The following ERBIN variants were observed in gnomAD, a reference collection of about 807,000 sequenced individuals.
ERBIN encodes erbb2 interacting protein.
ERBIN carries 60 observed loss-of-function variants against 158.4 expected under a neutral mutation model. The observed-to-expected ratio is 0.38, with a 90% confidence interval of 0.31 to 0.47. The LOEUF is 0.47. ERBIN is among the 20% of genes least tolerant of loss of function. The pLI is 0.99. For synonymous variants in ERBIN, 594 were observed against 557.2 expected (o/e 1.07, Z -0.93); for missense variants, 1,610 against 1,648.0 (o/e 0.98, Z 0.40).
intron 14 of ERBIN, among the ~76,000 whole-genome samples, chr5:66,029,127 T>A (rs1326467137): frequency 6.6e-6 from 1 of 152,174 alleles, no homozygotes; most frequent in Non-Finnish European, 1.5e-5. Context: ...AGTGCAGACA[T>A]CTCTTCAACA....
chr5:66,060,433 CTTCT>C (rs1382796145), intron 21 of ERBIN, among the ~76,000 whole-genome samples: 11 of 152,102 alleles, frequency 7.2e-5, no homozygotes, highest in African/African-American at 2.4e-4. Context: ...TCTCTCTTTT[CTTCT>C]TTATTAGTCT....
intron 1 of ERBIN, among the ~76,000 whole-genome samples, chr5:65,947,289 G>C (rs1287930602): frequency 6.6e-6 from 1 of 152,038 alleles, no homozygotes; most frequent in Admixed American, 6.6e-5. Context: ...GAGTGCAGTG[G>C]TGCCATCTTG....
rs767837550 is a variant in ERBIN, at chr5:66,014,661, T to G, written c.477-8T>G. 1 of 1,293,562 alleles carries G rather than the reference T, an allele frequency of 7.7e-7. No homozygotes were observed. The highest frequency in any genetic ancestry group is 1.1e-6 in the Non-Finnish European group (1 of 934,324). 80.1% of individuals were successfully genotyped at this position (1,293,562 alleles called of 1,614,324 possible). On this transcript the variant is annotated splice_polypyrimidine_tract_variant and splice_region_variant and intron_variant, in intron 6 of 25. Coordinates refer to ENST00000284037, the MANE Select transcript of ERBIN (RefSeq NM_001253697.2). ...TCCTAAATACATGATTTTTTTTTTG[T>G]ATTGCAGATTAACTAAACTCCAAAT... is the stretch of plus-strand genomic sequence containing the variant.
At chr5:65,972,946 T>G (rs1051699531) in intron 1 of ERBIN, among the ~76,000 whole-genome samples, 1 of 151,384 alleles carries the variant, frequency 6.6e-6, no homozygotes, top group Admixed American at 6.6e-5. Context: ...ATTCCTACGT[T>G]TTTTTCGGTT....
At chr5:66,076,789 G>C in intron 24 of ERBIN, 86 bp from the exon 25 acceptor site, 1 of 897,934 alleles carries the variant, frequency 1.1e-6, no homozygotes, top group Non-Finnish European at 1.8e-6. Flanking sequence ...TCAAATATTT[G>C]CATGGTGTGG....
chr5:65,967,320 A>G (rs1015897419), intron 1 of ERBIN, among the ~76,000 whole-genome samples: 1 of 152,214 alleles, frequency 6.6e-6, no homozygotes, highest in Admixed American at 6.5e-5. Flanking sequence ...AGACCTTCAC[A>G]TTCACTCACT....
chr5:65,995,763 G>A (rs894925048), intron 4 of ERBIN, among the ~76,000 whole-genome samples: 2 of 151,968 alleles, frequency 1.3e-5, no homozygotes, highest in Non-Finnish European at 2.9e-5. Flanking sequence ...CCCTTTTCTC[G>A]ACACCCTCAT....
intron 19 of ERBIN, among the ~76,000 whole-genome samples, chr5:66,050,116 C>G (rs1196634110): frequency 6.6e-6 from 1 of 151,310 alleles, no homozygotes; most frequent in African/African-American, 2.4e-5. Flanking sequence ...AATGAATTTT[C>G]ATTATCAGTT....
chr5:65,975,981 A>C (rs1749810120), intron 1 of ERBIN, among the ~76,000 whole-genome samples: 1 of 152,118 alleles, frequency 6.6e-6, no homozygotes, highest in South Asian at 2.1e-4. Context: ...TTCTGTTTCC[A>C]TTTAGGGCTC....
chr5:65,970,499 A>C (rs1240967355), intron 1 of ERBIN, among the ~76,000 whole-genome samples: 1 of 152,178 alleles, frequency 6.6e-6, no homozygotes, highest in Admixed American at 6.5e-5. Context: ...GAGAGATTCT[A>C]CACTTTGGTT....
intron 1 of ERBIN, among the ~76,000 whole-genome samples, chr5:65,947,904 G>C (rs1195073734): frequency 2.6e-5 from 4 of 151,928 alleles, no homozygotes; most frequent in Admixed American, 2.6e-4. Flanking sequence ...CTACTCAGGA[G>C]GCTGAGGCAG....
intron 6 of ERBIN, 39 bp downstream of exon 6, chr5:66,013,677 T>G: frequency 7.5e-7 from 1 of 1,335,820 alleles, no homozygotes; most frequent in Middle Eastern, 1.8e-4. Context: ...TATTATTAGC[T>G]CTTATAAAGT....
intron 1 of ERBIN, among the ~76,000 whole-genome samples, chr5:65,982,999 C>T (rs1345820854): frequency 6.6e-6 from 1 of 152,116 alleles, no homozygotes; most frequent in Non-Finnish European, 1.5e-5. Flanking sequence ...TATTTCTCTA[C>T]CATCTATACT....
intron 1 of ERBIN, among the ~76,000 whole-genome samples, chr5:65,977,441 G>A (rs1365961507): frequency 8.6e-5 from 13 of 151,902 alleles, no homozygotes; most frequent in African/African-American, 3.1e-4. Flanking sequence ...CTTCTCGGAC[G>A]GGGTGGTTGC....
intron 1 of ERBIN, among the ~76,000 whole-genome samples, chr5:65,932,289 A>C (rs1446475497): frequency 1.3e-5 from 2 of 149,798 alleles, no homozygotes; most frequent in Non-Finnish European, 3.0e-5. Flanking sequence ...CAGTGAGCCG[A>C]GATCGCGCCA....
At chr5:66,005,652 A>G (rs1485315480) in intron 4 of ERBIN, among the ~76,000 whole-genome samples, 1 of 152,206 alleles carries the variant, frequency 6.6e-6, no homozygotes, top group Non-Finnish European at 1.5e-5. Context: ...GGAAGACCCC[A>G]TCGTCTCAGC....
At chr5:65,934,974 T>C (rs1432800018) in intron 1 of ERBIN, among the ~76,000 whole-genome samples, 1 of 152,164 alleles carries the variant, frequency 6.6e-6, no homozygotes, top group Non-Finnish European at 1.5e-5. Flanking sequence ...TTCTAACATA[T>C]CTTCTACTTT....
rs1378236161 is a variant in ERBIN at position 66,038,478 on chromosome 5, G to A, written c.1302G>A (p.Glu434=). Residue 434 remains glutamate (E), a synonymous_variant, in exon 15 of 26, where the codon GAG becomes GAA. Transcript: ENST00000284037. ...TGTTCCCTCAACAGCCAAGGACTGA[G>A]GATGGTAGGAATTTCATAATCGATT... ...NYMFPQQPRT[E]DVMFISDNES... The A allele has an allele frequency of 6.3e-7, 1 of 1,596,624 alleles. No homozygotes were observed. The highest frequency in any genetic ancestry group is 1.1e-5 in the South Asian group (1 of 88,690).
At chr5:65,940,159 C>A (rs1397926171) in intron 1 of ERBIN, among the ~76,000 whole-genome samples, 22 of 146,196 alleles carry the variant, frequency 1.5e-4, no homozygotes, top group African/African-American at 5.6e-4. Flanking sequence ...TCTGCCCGGC[C>A]GCCCATCGTC....
Sources: gnomAD v4.1 joint callset for allele counts (sites outside exome capture counted in the v4.1 genomes callset) on GRCh38, gnomAD v4.1.1 for gene constraint, MANE v1.5 for transcripts, NCBI Gene and HGNC (gene_info 2026-07-23, HGNC 2026-07-21) for gene names.